The following RIPK3 variants were observed in gnomAD, a reference collection of about 807,000 sequenced individuals.
The protein encoded by RIPK3 is receptor-interacting serine/threonine-protein kinase 3.
Under a neutral mutation model 51.6 loss-of-function variants are expected in RIPK3, and 51 were observed. The ratio of observed to expected loss-of-function variants is 0.99; its 90% CI spans 0.79 to 1.25. The LOEUF is 1.25. RIPK3 is among the 50% of genes most tolerant of loss of function. RIPK3 has a pLI of 0.00. For synonymous variants in RIPK3, 246 were observed against 257.7 expected (o/e 0.95, Z 0.44); for missense variants, 654 against 650.4 (o/e 1.01, Z -0.06).
rs779417637 is a variant in RIPK3 at position 24,339,862 on chromosome 14, C to A, written c.-36G>T. The A allele has an allele frequency of 1.3e-6, 2 of 1,544,542 alleles. No individual in the cohort carries two copies. The highest frequency in any genetic ancestry group is 1.3e-5 in the South Asian group (1 of 78,586). ...GGTGCCAGGGGGCCTCTGGAAATTG[C>A]GAGCCGTAGGAGATGGAGTGACTTC... On this transcript the variant is annotated 5_prime_UTR_variant, in exon 1 of 10. Transcript: ENST00000216274. This position sits in a 1 kb window ranked among gnomAD's most constrained non-coding sequence, Gnocchi z 4.0.
At position 24,339,085 on chromosome 14, in the gene RIPK3, T is replaced by C. The variant is rs2042163704; in HGVS notation, c.401A>G (p.Gln134Arg). The change falls in exon 3 of 10, where the codon CAG (glutamine) becomes CGG (arginine). Residue 134 changes from glutamine to arginine, a missense_variant. Gln to Arg is a conservative substitution (Grantham distance 43). Coordinates refer to ENST00000216274, the MANE Select transcript of RIPK3 (RefSeq NM_006871.4). This position sits in a 1 kb window ranked among gnomAD's most constrained non-coding sequence, Gnocchi z 4.0. ...GTCCCGGTGCAGGAGCACCGGGTTC[T>C]GGTCGTGCAGGTAAAACATCCCAAG... ...VVLGMFYLHD[Q>R]NPVLLHRDLK... 6.2e-7 allele frequency: 1 copy of C among 1,614,212 alleles called. No individual in the cohort carries two copies. Among genetic ancestry groups the C allele is most frequent in the Non-Finnish European group, 8.5e-7 (1 of 1,180,024 alleles).
intron 3 of RIPK3, chr14:24,338,813 T>A (rs886565489): frequency 1.5e-6 from 1 of 675,412 alleles, no homozygotes; most frequent in African/African-American, 1.8e-5. Context: ...TGGAAATGAC[T>A]CGTGTGGCTC....
rs2042164057 is a variant in RIPK3 at position 24,339,120 on chromosome 14, T to C, written c.366A>G (p.Lys122=). Reference sequence around the variant, plus strand: ...GGTAAAACATCCCAAGCACCACTTCTTTCAGCAGGCGGCAAAGGAGCGGCC... The same window carrying C: ...GGTAAAACATCCCAAGCACCACTTCCTTCAGCAGGCGGCAAAGGAGCGGCC... ...RPWPLLCRLL[K]EVVLGMFYLH... is the part of the protein sequence containing the mutation. The change falls in exon 3 of 10, where the codon AAA becomes AAG. Residue 122 remains lysine, a synonymous_variant. Transcript: ENST00000216274. The surrounding 1 kb of genome is among the most constrained non-coding windows in gnomAD (Gnocchi z 4.0). The C allele has an allele frequency of 1.2e-6, 2 of 1,614,184 alleles. No homozygotes were observed. Among genetic ancestry groups the C allele is most frequent in the Non-Finnish European group, 8.5e-7 (1 of 1,180,022 alleles).
intron 7 of RIPK3, 58 bp downstream of exon 7, chr14:24,337,637 G>A (rs762016289): frequency 5.2e-6 from 8 of 1,546,344 alleles, no homozygotes; most frequent in Admixed American, 3.3e-5. Flanking sequence ...GGATGGCCAG[G>A]TAGCCACGCT....
chr14:24,337,027 G>T, intron 8 of RIPK3, 59 bp downstream of exon 8: 1 of 1,605,518 alleles, frequency 6.2e-7, no homozygotes, highest in South Asian at 1.1e-5. Context: ...GTTTTCGCTG[G>T]CAAGGGGACA....
Position 24,337,317 on chromosome 14 carries a change from C to A in RIPK3, c.1044G>T (p.Trp348Cys). 6.2e-7 allele frequency: 1 copy of A among 1,614,066 alleles called. No homozygotes were observed. The highest frequency in any genetic ancestry group is 8.5e-7 in the Non-Finnish European group (1 of 1,180,040). The change falls in exon 8 of 10, where the codon TGG becomes TGT. Residue 348 changes from tryptophan to cysteine, a missense_variant. Transcript: ENST00000216274. The part of the protein sequence containing the change: ...HSRNDVMVSE[W>C]LNKLNLEEPP... ...GCTCCTCTAGATTCAGTTTGTTTAG[C>A]CACTCAGAAACCATGACATCATTAC...
chr14:24,336,820 A>G, intron 9 of RIPK3, 65 bp downstream of exon 9: 1 of 1,337,670 alleles, frequency 7.5e-7, no homozygotes, highest in Non-Finnish European at 1.1e-6. Flanking sequence ...ATCTAGATAT[A>G]GGTCTGGAGG....
At position 24,337,622 on chromosome 14, in the gene RIPK3, T is replaced by C. The variant is rs776944621; in HGVS notation, c.900+73A>G. ...ATAAAAAGCAGTGGTCAGTGGTGAG[T>C]CATTGGATGGCCAGGTAGCCACGCT... On this transcript the variant is annotated intron_variant, in intron 7 of 9. Coordinates refer to ENST00000216274, the MANE Select transcript of RIPK3 (RefSeq NM_006871.4). 5 of 1,537,176 alleles carry C rather than the reference T, an allele frequency of 3.3e-6. No individual in the cohort carries two copies. In the Admixed American group the frequency reaches 8.3e-5, roughly 26 times the overall value.
Position 24,337,212 on chromosome 14 carries a change from C to T in RIPK3, c.1149G>A (p.Trp383Ter). ...RAQEEQVPQA[W>*]TAGTSSDSMA... Reference sequence around the variant, plus strand: ...TCGAATCTGAAGATGTGCCTGCTGTCCAGGCTTGTGGAACCTGCTCCTCTT... The same window carrying T: ...TCGAATCTGAAGATGTGCCTGCTGTTCAGGCTTGTGGAACCTGCTCCTCTT... Residue 383 changes from tryptophan (W) to a stop codon, truncating the protein, a stop_gained, in exon 8 of 10, where the codon TGG becomes TGA. Coordinates refer to ENST00000216274, the MANE Select transcript of RIPK3 (RefSeq NM_006871.4). LOFTEE classifies it high-confidence loss of function. The T allele has an allele frequency of 6.2e-7, 1 of 1,613,858 alleles. No homozygotes were observed. The highest frequency in any genetic ancestry group is 8.5e-7 in the Non-Finnish European group (1 of 1,180,034).
In RIPK3 at chr14:24,338,288, T is replaced by A. The variant is rs753766711; in HGVS notation, c.625A>T (p.Ile209Phe). 1 of 1,524,446 alleles carries A rather than the reference T, an allele frequency of 6.6e-7. No homozygotes were observed. The highest frequency in any genetic ancestry group is 2.1e-5 in the Admixed American group (1 of 46,644). The allele number at this position is 1,524,446 out of a possible 1,614,324, so 94.4% of individuals were successfully genotyped here. The change falls in exon 5 of 10, where the codon ATC becomes TTC. Residue 209 changes from isoleucine (I) to phenylalanine (F), a missense_variant. Transcript: ENST00000216274. ...STASDVYSFG[I>F]LMWAVLAGRE... ...CCAGCAAGCACTGCCCACATTAGGA[T>A]CCCGAAGCTGCAGGAGACACAAAGC...
rs753342911 is a variant in RIPK3 at position 24,337,235 on chromosome 14, C to T, written c.1126G>A (p.Glu376Lys). Residue 376 changes from glutamate to lysine, a missense_variant, in exon 8 of 10, where the codon GAG becomes AAG. By Grantham distance (56) the Glu-to-Lys change is moderately conservative (BLOSUM62 1). Coordinates refer to ENST00000216274, the MANE Select transcript of RIPK3 (RefSeq NM_006871.4). ...GTCCAGGCTTGTGGAACCTGCTCCTCTTGTGCCCTGCTCCTCTTGGTAAGG... is the reference window on the plus strand; with the variant it reads ...GTCCAGGCTTGTGGAACCTGCTCCTTTTGTGCCCTGCTCCTCTTGGTAAGG... ...PSLTKRSRAQ[E>K]EQVPQAWTAG... 6.2e-6 allele frequency: 10 copies of T among 1,613,938 alleles called. No homozygotes were observed. The highest frequency in any genetic ancestry group is 1.3e-5 in the African/African-American group (1 of 74,908).
At chr14:24,338,795 G>T (rs373603237) in intron 3 of RIPK3, 1 of 694,612 alleles carries the variant, frequency 1.4e-6, no homozygotes, top group East Asian at 2.7e-5. Context: ...GGCTGGTGGG[G>T]CAGCTGGTGG....
intron 3 of RIPK3, 43 bp downstream of exon 3, chr14:24,338,972 T>C: frequency 2.0e-6 from 3 of 1,527,500 alleles, no homozygotes; most frequent in Non-Finnish European, 2.7e-6. Context: ...GGAGCAGCTC[T>C]GGGGCCTTGT....
rs758161949 is a variant in RIPK3, at chr14:24,338,439, T to C, written c.600A>G (p.Thr200=). 3.1e-6 allele frequency: 5 copies of C among 1,613,092 alleles called. No individual in the cohort carries two copies. Among genetic ancestry groups the C allele is most frequent in the Non-Finnish European group, 4.2e-6 (5 of 1,179,276 alleles). Residue 200 remains threonine, a synonymous_variant, in exon 4 of 10, where the codon ACA becomes ACG. Coordinates refer to ENST00000216274, the MANE Select transcript of RIPK3 (RefSeq NM_006871.4). ...ATCCTTACCTGTAGACGTCACTGGC[T>C]GTGGAGGCCTTCCGGTTTACGTTAA... ...LFVNVNRKAS[T]ASDVYSFGIL... is the part of the protein sequence containing the mutation.
rs148163991 is a variant in RIPK3, at chr14:24,336,551, C to A, written c.1337-156G>T. Reference sequence around the variant, plus strand: ...GAGCTCCTCTCCAGAATTGTGTTAGCAGAAGCTCTAGAGAGTGGCAATTGA... The same window carrying A: ...GAGCTCCTCTCCAGAATTGTGTTAGAAGAAGCTCTAGAGAGTGGCAATTGA... On this transcript the variant is annotated intron_variant, in intron 9 of 9. Transcript: ENST00000216274. 6.9e-4 allele frequency: 764 copies of A among 1,108,546 alleles called. 10 individuals carry two copies. In the East Asian group the frequency reaches 0.019, roughly 27 times the overall value. The allele number at this position is 1,108,546 out of a possible 1,614,324, so 68.7% of individuals were successfully genotyped here. A position where few individuals can be genotyped will look rare whatever the true frequency, so the allele number is the denominator to read the frequency against.
In RIPK3 at chr14:24,337,710, A is replaced by C; in HGVS notation, c.885T>G (p.Asn295Lys). The C allele has an allele frequency of 6.2e-7, 1 of 1,612,340 alleles. No homozygotes were observed. Among genetic ancestry groups the C allele is most frequent in the South Asian group, 1.1e-5 (1 of 90,980 alleles). ...TGGCACTCACCGTGGAGACAGCAGC[A>C]TTCATATTGTTCTCCACCATCTGGA... ...EVFQMVENNM[N>K]AAVSTVKDFL... The change falls in exon 7 of 10, where the codon AAT becomes AAG. Residue 295 changes from asparagine to lysine, a missense_variant. Asn to Lys is a moderately conservative substitution (Grantham distance 94). Transcript: ENST00000216274.
At position 24,336,058 on chromosome 14, in the gene RIPK3, A is replaced by T; in HGVS notation, c.*117T>A. On this transcript the variant is annotated 3_prime_UTR_variant, in exon 10 of 10. Transcript: ENST00000216274. The stretch of plus-strand genomic sequence containing the variant: ...CATCATGTTTATTGACTCCTGGGGG[A>T]CAGGTCACAAAGTCAGTTTGTGGGC... The T allele has an allele frequency of 1.0e-6, 1 of 983,538 alleles. No homozygotes were observed. The highest frequency in any genetic ancestry group is 1.5e-6 in the Non-Finnish European group (1 of 676,040). 60.9% of individuals were successfully genotyped at this position (983,538 alleles called of 1,614,324 possible).
In RIPK3 at chr14:24,339,690, A is replaced by G. The variant is rs1319177774; in HGVS notation, c.21-93T>C. The G allele has an allele frequency of 1.1e-5, 18 of 1,588,292 alleles. No homozygotes were observed. The Admixed American group carries it at 3.1e-4, about 27-fold the overall frequency. On this transcript the variant is annotated intron_variant, in intron 1 of 9. Transcript: ENST00000216274. The surrounding 1 kb of genome is among the most constrained non-coding windows in gnomAD (Gnocchi z 4.0). ...ACTCGGCGTTCTCACTGCAATCCCC[A>G]GCCTCCCTCGCCGGCCCCCACCGTC...
In RIPK3 at chr14:24,337,273, TTAGGAACAGAGC is replaced by T. The variant is rs781008551; in HGVS notation, c.1076_1087del (p.Ser359_Pro362del). Reference sequence around the variant, plus strand: ...CCTCTTGGTAAGGCTCGGGCATTTTTTAGGAACAGAGCTGGGAGGCTCCTCTAGATTCAGTTT... The same window carrying T: ...CCTCTTGGTAAGGCTCGGGCATTTTTTGGGAGGCTCCTCTAGATTCAGTTT... On this transcript the variant is annotated inframe_deletion, in exon 8 of 10. Coordinates refer to ENST00000216274, the MANE Select transcript of RIPK3 (RefSeq NM_006871.4). 6.2e-7 allele frequency: 1 copy of T among 1,614,124 alleles called. No homozygotes were observed. The highest frequency in any genetic ancestry group is 8.5e-7 in the Non-Finnish European group (1 of 1,180,036).
Sources: allele counts gnomAD v4.1 joint callset, GRCh38; gene constraint gnomAD v4.1.1; non-coding constraint Gnocchi (gnomAD v3.1); transcripts MANE v1.5; gene names NCBI Gene and HGNC (gene_info 2026-07-23, HGNC 2026-07-21).